CSMD3: variants seen among roughly 807,000 people sequenced by gnomAD.
CSMD3 encodes the protein CUB and Sushi multiple domains 3, also known as CUB and sushi domain-containing protein 3.
Under a neutral mutation model 435.2 loss-of-function variants are expected in CSMD3, and 177 were observed. That is an observed-to-expected ratio of 0.41 (90% CI 0.36 to 0.46). CSMD3 has a LOEUF of 0.46. Ranked by LOEUF, CSMD3 falls within the 20% of genes least tolerant of loss-of-function variation. The pLI, the probability that CSMD3 is intolerant of heterozygous loss-of-function variation, is 0.34. For synonymous variants in CSMD3, 1,656 were observed against 1,520.5 expected, an observed-to-expected ratio of 1.09 and a Z score of -2.07; for missense variants, 4,265 against 4,504.6, an observed-to-expected ratio of 0.95 and a Z score of 1.52.
chr8:113,412,439 A>G (rs369717792), intron 1 of CSMD3, among the ~76,000 whole-genome samples: 44 of 152,272 alleles, frequency 2.9e-4, no homozygotes, highest in Non-Finnish European at 5.6e-4. Context: ...AACAACACGT[A>G]GGCAAGGCTG....
chr8:113,396,868 C>T (rs925993092), intron 1 of CSMD3, among the ~76,000 whole-genome samples: 1 of 152,038 alleles, frequency 6.6e-6, no homozygotes, highest in Non-Finnish European at 1.5e-5. Context: ...TATTTATTTT[C>T]TGCCTATCTC....
intron 1 of CSMD3, among the ~76,000 whole-genome samples, chr8:113,365,413 C>A (rs2094304768): frequency 6.6e-6 from 1 of 151,932 alleles, no homozygotes; most frequent in African/African-American, 2.4e-5. Context: ...GCAAACCACT[C>A]AAAGGATGAA....
chr8:112,506,561 G>A, intron 29 of CSMD3, 130 bp downstream of exon 29: 5 of 848,138 alleles, frequency 5.9e-6, no homozygotes, highest in Non-Finnish European at 9.4e-6. Context: ...ACAACTATTA[G>A]CACTGGGATA....
At chr8:112,506,307 G>A (rs1466038058) in intron 29 of CSMD3, among the ~76,000 whole-genome samples, 1 of 152,030 alleles carries the variant, frequency 6.6e-6, no homozygotes, top group African/African-American at 2.4e-5. Flanking sequence ...CATACTGGTG[G>A]CAGAAAAAGG....
At chr8:113,051,063 C>T (rs1349134584) in intron 5 of CSMD3, among the ~76,000 whole-genome samples, 3 of 152,036 alleles carry the variant, frequency 2.0e-5, no homozygotes, top group Admixed American at 6.5e-5. Context: ...AACAATTTAG[C>T]GAAGATTCAA....
intron 3 of CSMD3, among the ~76,000 whole-genome samples, chr8:113,237,773 A>C (rs933377073): frequency 6.6e-6 from 1 of 152,140 alleles, no homozygotes; most frequent in African/African-American, 2.4e-5. Context: ...AAATATAACA[A>C]TGTTTATCAA....
chr8:113,067,303 C>A (rs1453349789), intron 5 of CSMD3, among the ~76,000 whole-genome samples: 1 of 151,900 alleles, frequency 6.6e-6, no homozygotes, highest in Non-Finnish European at 1.5e-5. Context: ...TTAGTGTAAG[C>A]AAAAAAATTA....
intron 11 of CSMD3, among the ~76,000 whole-genome samples, chr8:112,847,047 C>T (rs1400020123): frequency 6.6e-6 from 1 of 152,050 alleles, no homozygotes; most frequent in African/African-American, 2.4e-5. Flanking sequence ...GATCTTCACT[C>T]TGCTACTAGG....
intron 5 of CSMD3, among the ~76,000 whole-genome samples, chr8:113,073,248 G>A (rs1159671028): frequency 2.6e-5 from 4 of 151,690 alleles, no homozygotes; most frequent in Non-Finnish European, 5.9e-5. Context: ...TCATGGAGCT[G>A]ACTCGTTTCT....
At chr8:113,431,901 C>T (rs1334212683) in intron 1 of CSMD3, among the ~76,000 whole-genome samples, 1 of 152,048 alleles carries the variant, frequency 6.6e-6, no homozygotes, top group African/African-American at 2.4e-5. Context: ...AGGGAAAAGA[C>T]GCGTATACTC....
chr8:112,618,977 T>C (rs1444117958), intron 22 of CSMD3, among the ~76,000 whole-genome samples: 1 of 152,114 alleles, frequency 6.6e-6, no homozygotes, highest in Non-Finnish European at 1.5e-5. Flanking sequence ...ATAAATTGCA[T>C]GACATTTTAC....
At chr8:112,534,246 G>C (rs1157736510) in intron 27 of CSMD3, among the ~76,000 whole-genome samples, 1 of 151,962 alleles carries the variant, frequency 6.6e-6, no homozygotes, top group Non-Finnish European at 1.5e-5. Flanking sequence ...CTGGTTTTTT[G>C]AAAGGATCAA....
intron 67 of CSMD3, among the ~76,000 whole-genome samples, chr8:112,235,564 G>C (rs188006148): frequency 3.0e-4 from 42 of 138,502 alleles, no homozygotes; most frequent in African/African-American, 1.1e-3. Flanking sequence ...GTGTTCTAAG[G>C]GTAGCTGTAA....
At chr8:112,676,880 T>C (rs1200543497) in intron 16 of CSMD3, among the ~76,000 whole-genome samples, 3 of 152,108 alleles carry the variant, frequency 2.0e-5, no homozygotes, top group Admixed American at 6.6e-5. Context: ...TTGGGATTCA[T>C]TGGCTGGCTT....
chr8:112,386,673 A>AT (rs1230566537), intron 36 of CSMD3, among the ~76,000 whole-genome samples: 4 of 151,572 alleles, frequency 2.6e-5, no homozygotes, highest in Non-Finnish European at 5.9e-5. Flanking sequence ...AATTTTTTGT[A>AT]TTTTTAGTAG....
At chr8:113,278,808 T>C in intron 2 of CSMD3, 104 bp from the exon 3 acceptor site, 1 of 665,522 alleles carries the variant, frequency 1.5e-6, no homozygotes, top group African/African-American at 1.8e-5. Context: ...ACAGATTTTC[T>C]CCTATAATTT....
intron 61 of CSMD3, among the ~76,000 whole-genome samples, chr8:112,258,053 G>C (rs563262958): frequency 1.3e-5 from 2 of 152,100 alleles, no homozygotes; most frequent in East Asian, 3.9e-4. Flanking sequence ...TTTAATAAAC[G>C]GTGTTGGGAA....
At chr8:112,679,320 C>T (rs757325800) in intron 16 of CSMD3, among the ~76,000 whole-genome samples, 32 of 152,064 alleles carry the variant, frequency 2.1e-4, no homozygotes, top group Non-Finnish European at 3.8e-4. Context: ...GAGTAGTAAC[C>T]TGGCAAGGGC....
chr8:112,473,721 ATTTT>A (rs71309772), intron 31 of CSMD3, among the ~76,000 whole-genome samples: 1 of 131,312 alleles, frequency 7.6e-6, no homozygotes, highest in Non-Finnish European at 1.6e-5. Flanking sequence ...AGGAAGAGGG[ATTTT>A]TTTTTTTTTT....
Sources: allele counts gnomAD v4.1 joint callset (sites outside exome capture counted in the v4.1 genomes callset), GRCh38; gene constraint gnomAD v4.1.1; transcripts MANE v1.5; gene names NCBI Gene and HGNC (gene_info 2026-07-23, HGNC 2026-07-21).